Variants in STX19 observed in about 807,000 individuals in gnomAD.
The protein encoded by STX19 is syntaxin-19.
STX19 carries 26 observed loss-of-function variants against 24.3 expected under a neutral mutation model. That is an observed-to-expected ratio of 1.07 (90% CI 0.78 to 1.48). The LOEUF (loss-of-function observed/expected upper bound fraction) is 1.48, where lower values mean the gene tolerates loss of function less well. STX19 is among the 40% of genes most tolerant of loss of function. The pLI, the probability that STX19 is intolerant of heterozygous loss-of-function variation, is 0.00. For synonymous variants in STX19, 116 were observed against 106.9 expected, an observed-to-expected ratio of 1.09 and a Z score of -0.52; for missense variants, 367 against 331.9, an observed-to-expected ratio of 1.11 and a Z score of -0.82.
At chr3:94,018,057 T>C (rs181416581) in intron 1 of STX19, among the ~76,000 whole-genome samples, 1 of 152,334 alleles carries the variant, frequency 6.6e-6, no homozygotes, top group Admixed American at 6.5e-5. Context: ...CATTTTGATA[T>C]GTAATTTAAA....
chr3:94,016,633 T>A (rs2107498437), intron 1 of STX19, among the ~76,000 whole-genome samples: 1 of 150,568 alleles, frequency 6.6e-6, no homozygotes, highest in Admixed American at 6.8e-5. Context: ...TTGGAGATTT[T>A]AATTAATTAA....
At position 94,015,119 on chromosome 3, in the gene STX19, G is replaced by A. The variant is rs144715706; in HGVS notation, c.151C>T (p.Leu51=). 1 of 1,613,762 alleles carries A rather than the reference G, an allele frequency of 6.2e-7. No individual in the cohort carries two copies. Among genetic ancestry groups the A allele is most frequent in the African/African-American group, 1.3e-5 (1 of 74,892 alleles). Residue 51 remains leucine (L), a synonymous_variant, in exon 2 of 2, where the codon CTA becomes TTA. Transcript: ENST00000315099. ...TCCTGTAGTTTTTGGATTTCATGTA[G>A]GTGTCTCTCAGCTACAGGCTCTCTT... ...YEREPVAERH[L]HEIQKLQESI... is the part of the protein sequence containing the mutation.
intron 1 of STX19, among the ~76,000 whole-genome samples, chr3:94,026,169 G>A (rs1174575504): frequency 2.6e-5 from 4 of 152,132 alleles, no homozygotes; most frequent in East Asian, 3.9e-4. Flanking sequence ...ACAGGCGCCC[G>A]CCACCACACC....
At chr3:94,016,571 C>T (rs1380465928) in intron 1 of STX19, among the ~76,000 whole-genome samples, 3 of 151,690 alleles carry the variant, frequency 2.0e-5, no homozygotes, top group Non-Finnish European at 4.4e-5. Context: ...AAAATATTTT[C>T]GTATCTACAG....
At position 94,014,798 on chromosome 3, in the gene STX19, T is replaced by C; in HGVS notation, c.472A>G (p.Lys158Glu). The change falls in exon 2 of 2, where the codon AAG becomes GAG. Residue 158 changes from lysine (K) to glutamate (E), a missense_variant. By Grantham distance (56) the Lys-to-Glu change is moderately conservative. Transcript: ENST00000315099. ...ATAAATGTCTTGCACTTCTCTTGCT[T>C]TGCTGCTATTGTGTCATTGTATATA... ...MFIYNDTIAA[K>E]QEKCKTFILR... is the part of the protein sequence containing the mutation. The C allele has an allele frequency of 6.2e-7, 1 of 1,614,074 alleles. No homozygotes were observed. Among genetic ancestry groups the C allele is most frequent in the Non-Finnish European group, 8.5e-7 (1 of 1,179,982 alleles).
intron 1 of STX19, among the ~76,000 whole-genome samples, chr3:94,016,296 GA>G (rs1287239769): frequency 1.3e-5 from 2 of 151,444 alleles, no homozygotes; most frequent in Admixed American, 6.6e-5. Flanking sequence ...ATATCAACCA[GA>G]AAAAAAAGGT....
Position 94,015,273 on chromosome 3 carries a change from C to T in STX19, c.-4G>A. The T allele has an allele frequency of 6.6e-7, 1 of 1,524,408 alleles. No homozygotes were observed. Among genetic ancestry groups the T allele is most frequent in the Non-Finnish European group, 8.7e-7 (1 of 1,143,218 alleles). 94.4% of individuals were successfully genotyped at this position (1,524,408 alleles called of 1,614,324 possible). ...GTTCTTGAAGTCGGTCTTTCATCTT[C>T]CCTTTCCTCCTAAGAAGCAAAAATT... On this transcript the variant is annotated 5_prime_UTR_variant, in exon 2 of 2. Coordinates refer to ENST00000315099, the MANE Select transcript of STX19 (RefSeq NM_001001850.3).
chr3:94,027,427 A>T (rs1377616491), intron 1 of STX19, among the ~76,000 whole-genome samples: 1 of 152,214 alleles, frequency 6.6e-6, no homozygotes, highest in East Asian at 1.9e-4. Context: ...CTTGTATAAC[A>T]ACATTAAGAT....
intron 1 of STX19, among the ~76,000 whole-genome samples, chr3:94,023,872 A>T (rs1559993145): frequency 6.6e-6 from 1 of 152,186 alleles, no homozygotes; most frequent in Non-Finnish European, 1.5e-5. Flanking sequence ...ATCTAAAATA[A>T]TGTTGTTGTT....
chr3:94,024,582 C>T (rs35775946), intron 1 of STX19, among the ~76,000 whole-genome samples: 434 of 152,018 alleles, frequency 2.9e-3, no homozygotes, highest in Non-Finnish European at 3.8e-3. Context: ...CTTTTTTGGG[C>T]GTGTTGTTTT....
At chr3:94,028,216 G>C (rs536202441) in intron 1 of STX19, among the ~76,000 whole-genome samples, 151 bp downstream of exon 1, 28 of 152,102 alleles carry the variant, frequency 1.8e-4, no homozygotes, top group Non-Finnish European at 3.7e-4. Flanking sequence ...TAATATATGT[G>C]AACAAATCAG....
At chr3:94,018,739 G>A (rs2076385143) in intron 1 of STX19, among the ~76,000 whole-genome samples, 1 of 152,050 alleles carries the variant, frequency 6.6e-6, no homozygotes, top group African/African-American at 2.4e-5. Flanking sequence ...TATTTTTCCA[G>A]TTGCTCAGAC....
intron 1 of STX19, among the ~76,000 whole-genome samples, chr3:94,026,876 A>C (rs2076568589): frequency 6.6e-6 from 1 of 152,170 alleles, no homozygotes; most frequent in Admixed American, 6.5e-5. Context: ...AAGAAAGAAC[A>C]CTAACTCGTA....
Position 94,015,302 on chromosome 3 carries a change from G to C in STX19, c.-13-20C>G. 1 of 1,494,214 alleles carries C rather than the reference G, an allele frequency of 6.7e-7. No individual in the cohort carries two copies. The highest frequency in any genetic ancestry group is 8.9e-7 in the Non-Finnish European group (1 of 1,129,172). 92.6% of individuals were successfully genotyped at this position (1,494,214 alleles called of 1,614,324 possible). Reference sequence around the variant, plus strand: ...TTCCTCCTAAGAAGCAAAAATTTTTGTGTTGAACAAGTAGAAATTTGGTAT... The same window carrying C: ...TTCCTCCTAAGAAGCAAAAATTTTTCTGTTGAACAAGTAGAAATTTGGTAT... On this transcript the variant is annotated intron_variant, in intron 1 of 1. Coordinates refer to ENST00000315099, the MANE Select transcript of STX19 (RefSeq NM_001001850.3).
chr3:94,014,738 A>G lies in STX19; in HGVS notation c.532T>C (p.Ser178Pro). ...RQLEVAGKEMSEEDVNDMLHQ... is the reference protein window; with the variant it reads ...RQLEVAGKEMPEEDVNDMLHQ... ...AGCATATCATTTACATCTTCTTCAGACATCTCTTTTCCAGCAACTTCAAGC... is the reference window on the plus strand; with the variant it reads ...AGCATATCATTTACATCTTCTTCAGGCATCTCTTTTCCAGCAACTTCAAGC... The change falls in exon 2 of 2, where the codon TCT becomes CCT. Residue 178 changes from serine (S) to proline (P), a missense_variant. By Grantham distance (74) the Ser-to-Pro change is moderately conservative (BLOSUM62 -1). Transcript: ENST00000315099. 2 of 1,613,092 alleles carry G rather than the reference A, an allele frequency of 1.2e-6. No homozygotes were observed. The highest frequency in any genetic ancestry group is 1.7e-6 in the Non-Finnish European group (2 of 1,179,720).
rs749127786 is a variant in STX19 at position 94,014,771 on chromosome 3, A to G, written c.499T>C (p.Leu167=). The G allele has an allele frequency of 1.1e-5, 17 of 1,613,762 alleles. No homozygotes were observed. In the South Asian group the frequency reaches 1.9e-4, roughly 18 times the overall value. ...TTTCCAGCAACTTCAAGCTGACGTAAAATAAATGTCTTGCACTTCTCTTGC... is the reference window on the plus strand; with the variant it reads ...TTTCCAGCAACTTCAAGCTGACGTAGAATAAATGTCTTGCACTTCTCTTGC... ...AKQEKCKTFI[L]RQLEVAGKEM... is the part of the protein sequence containing the mutation. The change falls in exon 2 of 2, where the codon TTA becomes CTA. Residue 167 remains leucine (L), a synonymous_variant. Coordinates refer to ENST00000315099, the MANE Select transcript of STX19 (RefSeq NM_001001850.3).
rs1314294376 is a variant in STX19 at position 94,014,524 on chromosome 3, T to G, written c.746A>C (p.Asn249Thr). The change falls in exon 2 of 2, where the codon AAT becomes ACT. Residue 249 changes from asparagine (N) to threonine (T), a missense_variant. Physicochemically the swap from Asn to Thr is moderately conservative, Grantham distance 65 (BLOSUM62 0). Transcript: ENST00000315099. ...TGTACTATTCACTGTCATTTCAATATTGTTGATGCTCTCTCCTTGTTCCTC... is the reference window on the plus strand; with the variant it reads ...TGTACTATTCACTGTCATTTCAATAGTGTTGATGCTCTCTCCTTGTTCCTC... ...LVEEQGESIN[N>T]IEMTVNSTKE... The G allele has an allele frequency of 2.5e-6, 4 of 1,612,742 alleles. No homozygotes were observed. In the African/African-American group the frequency reaches 5.3e-5, roughly 22 times the overall value.
At chr3:94,022,805 A>G (rs1201257846) in intron 1 of STX19, among the ~76,000 whole-genome samples, 1 of 152,128 alleles carries the variant, frequency 6.6e-6, no homozygotes, top group East Asian at 1.9e-4. Context: ...CCATGTAACT[A>G]CCACATAGAT....
intron 1 of STX19, among the ~76,000 whole-genome samples, chr3:94,024,565 C>CT (rs1013558602): frequency 1.3e-5 from 2 of 152,062 alleles, no homozygotes; most frequent in Admixed American, 1.3e-4. Flanking sequence ...CTGGAAAGAT[C>CT]TTTGTCCTTT....
Sources: gnomAD v4.1 joint callset for allele counts (sites outside exome capture counted in the v4.1 genomes callset) on GRCh38, gnomAD v4.1.1 for gene constraint, MANE v1.5 for transcripts, NCBI Gene and HGNC (gene_info 2026-07-23, HGNC 2026-07-21) for gene names.